PZP: variants seen among roughly 807,000 people sequenced by gnomAD.
PZP encodes the protein PZP alpha-2-macroglobulin like.
PZP carries 150 observed loss-of-function variants against 179.8 expected under a neutral mutation model. That is an observed-to-expected ratio of 0.83 (90% CI 0.73 to 0.96). PZP has a LOEUF of 0.96. Among genes scored for constraint, PZP ranks in the 40% least tolerant of loss-of-function variants. PZP has a pLI of 0.00. For missense variants in PZP, 1,689 were observed against 1,764.0 expected (o/e 0.96, Z 0.76); for synonymous variants, 624 against 652.3 (o/e 0.96, Z 0.66).
At chr12:9,201,154 T>C in intron 5 of PZP, 94 bp from the exon 6 acceptor site, 1 of 1,485,536 alleles carries the variant, frequency 6.7e-7, no homozygotes, top group Non-Finnish European at 9.2e-7. Flanking sequence ...TAGCATTGCC[T>C]CTGGAAAGAC....
rs763527136 is a variant in PZP, at chr12:9,196,654, A to T, written c.899T>A (p.Val300Glu). The T allele has an allele frequency of 6.8e-6, 11 of 1,613,296 alleles. No individual in the cohort carries two copies. In the African/African-American group the frequency reaches 1.5e-4, roughly 22 times the overall value. The stretch of plus-strand genomic sequence containing the variant: ...TGTAATCTGGAGCATTTTGGTGTGT[A>T]CTTGTTGGGTGATGCAGCCATTGCT... ...LNSNGCITQQ[V>E]HTKMLQITNT... The change falls in exon 9 of 36, where the codon GTA (valine) becomes GAA (glutamate). Residue 300 changes from valine (V) to glutamate (E), a missense_variant. By Grantham distance (121) the Val-to-Glu change is moderately radical (BLOSUM62 -2). Coordinates refer to ENST00000261336, the MANE Select transcript of PZP (RefSeq NM_002864.3).
chr12:9,160,015 T>A lies in PZP; in HGVS notation c.3060A>T (p.Arg1020Ser), dbSNP rs775255870. The A allele has an allele frequency of 1.2e-6, 2 of 1,613,684 alleles. No homozygotes were observed. The highest frequency in any genetic ancestry group is 2.2e-5 in the South Asian group (2 of 91,048). Reference sequence around the variant, plus strand: ...CATCTTGGTGTTTGTAGTTCAGCTGTCTCTGGTAACCTGAAATGGAAGGCT... The same window carrying A: ...CATCTTGGTGTTTGTAGTTCAGCTGACTCTGGTAACCTGAAATGGAAGGCT... Reference protein sequence around the residue: ...AVGYLITGYQRQLNYKHQDGS... With the variant: ...AVGYLITGYQSQLNYKHQDGS... Residue 1020 changes from arginine to serine, a missense_variant, in exon 25 of 36, where the codon AGA becomes AGT. Physicochemically the swap from Arg to Ser is moderately radical, Grantham distance 110. This residue lies in a region of PZP where 746 missense variants were observed against 749.2 expected (regional missense o/e 1.00). Coordinates refer to ENST00000261336, the MANE Select transcript of PZP (RefSeq NM_002864.3).
At position 9,149,872 on chromosome 12, in the gene PZP, T is replaced by C. The variant is rs950722810; in HGVS notation, c.4385-270A>G. ...TGATCATAATTGCACTAACCTGTAG[T>C]TCTCTCTTCCATGACCTCTCTGCTT... On this transcript the variant is annotated intron_variant, in intron 34 of 35. Transcript: ENST00000261336. 5.9e-5 allele frequency among the ~76,000 whole-genome samples: 9 copies of C among 152,272 alleles called. No homozygotes were observed. In the East Asian group the frequency reaches 1.7e-3, roughly 29 times the overall value.
intron 15 of PZP, 122 bp from the exon 16 acceptor site, chr12:9,169,713 C>T: frequency 1.1e-6 from 1 of 893,410 alleles, no homozygotes; most frequent in Non-Finnish European, 1.6e-6. Context: ...GTAGTTGGTA[C>T]CTTAGAGATA....
intron 7 of PZP, among the ~76,000 whole-genome samples, chr12:9,199,546 G>A (rs1944030108): frequency 6.6e-6 from 1 of 152,054 alleles, no homozygotes; most frequent in South Asian, 2.1e-4. Context: ...AAATTGCCCA[G>A]AGGAAAGATT....
At position 9,153,226 on chromosome 12, in the gene PZP, C is replaced by G. The variant is rs146676354; in HGVS notation, c.3892G>C (p.Val1298Leu). The G allele has an allele frequency of 6.2e-7, 1 of 1,614,186 alleles. No individual in the cohort carries two copies. Among genetic ancestry groups the G allele is most frequent in the Non-Finnish European group, 8.5e-7 (1 of 1,180,024 alleles). Residue 1298 changes from valine to leucine, a missense_variant, in exon 30 of 36, where the codon GTA becomes CTA. This residue lies in a region of PZP where 746 missense variants were observed against 749.2 expected (regional missense o/e 1.00). Coordinates refer to ENST00000261336, the MANE Select transcript of PZP (RefSeq NM_002864.3). ...DSQTFSTNFQVDNNNLLLLQQ... is the reference protein window; with the variant it reads ...DSQTFSTNFQLDNNNLLLLQQ... ...AGTAATAGGAGGTTGTTGTTGTCTA[C>G]TTGGAAATTTGTAGAAAAGGTCTGT...
chr12:9,196,906 G>C, intron 8 of PZP, 106 bp downstream of exon 8: 8 of 921,944 alleles, frequency 8.7e-6, no homozygotes, highest in Non-Finnish European at 1.3e-5. Context: ...TTTGGTGGGG[G>C]ATATTTTGCG....
In PZP at chr12:9,203,860, C is replaced by A. The variant is rs766507954; in HGVS notation, c.175G>T (p.Val59Leu). The change falls in exon 2 of 36, where the codon GTA (valine) becomes TTA (leucine). Residue 59 changes from valine (V) to leucine (L), a missense_variant. Physicochemically the swap from Val to Leu is conservative, Grantham distance 32. Around this residue, in one of 3 missense-constraint regions of PZP, gnomAD observed 742 missense variants for 730.5 expected, o/e 1.02. Coordinates refer to ENST00000261336, the MANE Select transcript of PZP (RefSeq NM_002864.3). ...LLSHLNETVTVSASLESGREN... is the reference protein window; with the variant it reads ...LLSHLNETVTLSASLESGREN... ...CTGCCAGACTCCAAGGAAGCACTTA[C>A]AGTCACTGTCTCATTCAGGTGGCTC... 2 of 1,614,060 alleles carry A rather than the reference C, an allele frequency of 1.2e-6. No homozygotes were observed. The highest frequency in any genetic ancestry group is 1.7e-6 in the Non-Finnish European group (2 of 1,180,034).
chr12:9,196,696 T>C lies in PZP; in HGVS notation c.868-11A>G, dbSNP rs770224301. ...GCCATTGCTGTTAAGCTGAGAAAAA[T>C]ACCAAAACCAATAAATGTCAAACTG... is the stretch of plus-strand genomic sequence containing the variant. On this transcript the variant is annotated splice_polypyrimidine_tract_variant and intron_variant, in intron 8 of 35. Transcript: ENST00000261336. The C allele has an allele frequency of 6.4e-7, 1 of 1,553,102 alleles. No homozygotes were observed.
chr12:9,147,198 C>T (rs1213036728), downstream of PZP, among the ~76,000 whole-genome samples: 3 of 152,198 alleles, frequency 2.0e-5, no homozygotes, highest in African/African-American at 2.4e-5. Context: ...ACACACTCTG[C>T]TGACCAGGGA....
chr12:9,149,121 T>C, intron 35 of PZP, 127 bp from the exon 36 acceptor site: 1 of 797,702 alleles, frequency 1.3e-6, no homozygotes, highest in East Asian at 2.4e-5. Context: ...GTAATTATTT[T>C]AGGTTTATAT....
intron 13 of PZP, 116 bp downstream of exon 13, chr12:9,192,077 G>T: frequency 1.2e-6 from 1 of 837,850 alleles, no homozygotes; most frequent in South Asian, 1.6e-5. Context: ...ATTTTCCTGC[G>T]TGTCCTCCTT....
In PZP at chr12:9,158,440, G is replaced by A; in HGVS notation, c.3274C>T (p.Leu1092=). 6.2e-6 allele frequency: 10 copies of A among 1,614,172 alleles called. No homozygotes were observed. Among genetic ancestry groups the A allele is most frequent in the Non-Finnish European group, 8.5e-6 (10 of 1,180,034 alleles). The change falls in exon 26 of 36, where the codon CTG becomes TTG. Residue 1092 remains leucine, a synonymous_variant. Coordinates refer to ENST00000261336, the MANE Select transcript of PZP (RefSeq NM_002864.3). ...DNGCFRSSGS[L]LNNAIKGGVE... The stretch of plus-strand genomic sequence containing the variant: ...TTCACCTTTATGGCATTGTTGAGCA[G>A]TGACCCAGAGCTCCTGAAACAGCCA...
chr12:9,160,121 A>T, intron 24 of PZP, 96 bp from the exon 25 acceptor site: 1 of 1,272,794 alleles, frequency 7.9e-7, no homozygotes, highest in Non-Finnish European at 1.1e-6. Context: ...TGGACATTTT[A>T]TGACCTTCTG....
At chr12:9,200,035 G>A (rs140303244) in intron 7 of PZP, among the ~76,000 whole-genome samples, 13 of 152,248 alleles carry the variant, frequency 8.5e-5, no homozygotes, top group African/African-American at 2.6e-4. Flanking sequence ...TCGTGTTGTC[G>A]CAGAAGTGGA....
chr12:9,157,781 G>A lies in PZP; in HGVS notation c.3355C>T (p.Pro1119Ser). The A allele has an allele frequency of 6.2e-7, 1 of 1,613,940 alleles. No homozygotes were observed. Residue 1119 changes from proline (P) to serine (S), a missense_variant, in exon 27 of 36, where the codon CCT becomes TCT. By Grantham distance (74) the Pro-to-Ser change is moderately conservative (BLOSUM62 -1). Coordinates refer to ENST00000261336, the MANE Select transcript of PZP (RefSeq NM_002864.3). Reference protein sequence around the residue: ...AYVTIALLEIPLPVTNPIVRN... With the variant: ...AYVTIALLEISLPVTNPIVRN... ...CTGGTACCTACAGTGACTGGGAGAG[G>A]AATTTCCAGAAGGGCAATAGTAACA... is the stretch of plus-strand genomic sequence containing the variant.
At chr12:9,157,508 G>T (rs1373525070) in intron 27 of PZP, among the ~76,000 whole-genome samples, 153 bp from the exon 28 acceptor site, 2 of 152,130 alleles carry the variant, frequency 1.3e-5, no homozygotes, top group African/African-American at 4.8e-5. Flanking sequence ...AAAATATTTC[G>T]ATCTCTTCCC....
chr12:9,146,897 A>C (rs1193651060), downstream of PZP, among the ~76,000 whole-genome samples: 3 of 125,822 alleles, frequency 2.4e-5, no homozygotes, highest in East Asian at 7.0e-4. Flanking sequence ...GAGAAGTTGG[A>C]GTATTGGATG....
chr12:9,152,068 C>G, intron 32 of PZP, 152 bp downstream of exon 32: 1 of 657,792 alleles, frequency 1.5e-6, no homozygotes, highest in Admixed American at 2.4e-5. Context: ...TAGCTTACGG[C>G]CAACTAAATA....
Sources: allele counts gnomAD v4.1 joint callset (sites outside exome capture counted in the v4.1 genomes callset), GRCh38; gene constraint gnomAD v4.1.1; regional missense constraint gnomAD v4.1.1; transcripts MANE v1.5; gene names NCBI Gene and HGNC (gene_info 2026-07-23, HGNC 2026-07-21).